Variants in IDE observed in about 807,000 individuals in gnomAD.
IDE encodes the protein insulin-degrading enzyme.
Under a neutral mutation model 133.2 loss-of-function variants are expected in IDE, and 58 were observed. The observed-to-expected ratio is 0.44, with a 90% CI of 0.35 to 0.54. The LOEUF is 0.54. Ranked by LOEUF, IDE falls within the 20% of genes least tolerant of loss-of-function variation. The pLI, the probability that IDE is intolerant of heterozygous loss-of-function variation, is 0.00. For missense variants in IDE, 981 were observed against 1,234.0 expected, an observed-to-expected ratio of 0.79 and a Z score of 3.07; for synonymous variants, 396 against 421.3, an observed-to-expected ratio of 0.94 and a Z score of 0.73.
chr10:92,568,824 A>AAAT (rs1223478035), intron 1 of IDE, among the ~76,000 whole-genome samples: 49 of 149,152 alleles, frequency 3.3e-4, no homozygotes, highest in Non-Finnish European at 5.1e-4. Context: ...TCAAAAAAAA[A>AAAT]AATAATAATA....
chr10:92,456,272 TG>T, intron 23 of IDE, 86 bp downstream of exon 23: 1 of 885,338 alleles, frequency 1.1e-6, no homozygotes, highest in Non-Finnish European at 1.9e-6. Context: ...TTTTACTTTC[TG>T]GTGTTCTATA....
At chr10:92,543,046 T>C (rs575326499) in intron 1 of IDE, among the ~76,000 whole-genome samples, 6 of 152,370 alleles carry the variant, frequency 3.9e-5, no homozygotes, top group African/African-American at 1.4e-4. Flanking sequence ...CTCACCTCCA[T>C]TGGTCTCTCA....
At chr10:92,480,352 CA>C (rs1223677256) in intron 14 of IDE, among the ~76,000 whole-genome samples, 1 of 152,206 alleles carries the variant, frequency 6.6e-6, no homozygotes, top group Non-Finnish European at 1.5e-5. Context: ...ACAAATCAGG[CA>C]AATTCCCTGA....
chr10:92,510,825 A>G lies in IDE; in HGVS notation c.785-663T>C, dbSNP rs537760385. On this transcript the variant is annotated intron_variant, in intron 5 of 24. Coordinates refer to ENST00000265986, the MANE Select transcript of IDE (RefSeq NM_004969.4). ...CACATACATATCACATATATGATATATAGCACATACATATCACACATATGA... is the reference window on the plus strand; with the variant it reads ...CACATACATATCACATATATGATATGTAGCACATACATATCACACATATGA... 6.4e-4 allele frequency among the ~76,000 whole-genome samples: 97 copies of G among 151,216 alleles called. 2 individuals are homozygous for G. The East Asian group carries it at 0.017, about 27-fold the overall frequency.
At chr10:92,573,158 G>T in intron 1 of IDE, 1 of 985,398 alleles carries the variant, frequency 1.0e-6, no homozygotes, top group Non-Finnish European at 1.2e-6. Flanking sequence ...GCCTGAAAAC[G>T]CCTAGCGTAC....
chr10:92,566,000 A>C (rs1277685628), intron 1 of IDE, among the ~76,000 whole-genome samples: 2 of 137,456 alleles, frequency 1.5e-5, no homozygotes, highest in Non-Finnish European at 3.3e-5. Flanking sequence ...CCTTATCTGA[A>C]AGAAAAAAAA....
chr10:92,478,747 G>T, intron 15 of IDE: 2 of 1,272,352 alleles, frequency 1.6e-6, no homozygotes, highest in African/African-American at 1.5e-5. Context: ...TGATAAACAG[G>T]TATGTCATGT....
At chr10:92,464,430 G>A (rs1325811905) in intron 20 of IDE, among the ~76,000 whole-genome samples, 3 of 152,104 alleles carry the variant, frequency 2.0e-5, no homozygotes, top group Non-Finnish European at 2.9e-5. Context: ...TGTATTTCTT[G>A]TTAGATAATC....
intron 1 of IDE, among the ~76,000 whole-genome samples, chr10:92,564,671 CAAAAAAAAAAAAAAAAAAAAAAAA>C (rs532861372): frequency 2.9e-4 from 9 of 31,562 alleles, no homozygotes; most frequent in South Asian, 2.0e-3. Context: ...GAGACTGTCT[CAAAAAAAAAAAAAAAAAAAAAAAA>C]AAAAAAAAAA....
chr10:92,512,554 T>C (rs1201900125), intron 5 of IDE, among the ~76,000 whole-genome samples: 2 of 133,166 alleles, frequency 1.5e-5, no homozygotes, highest in Non-Finnish European at 3.2e-5. Flanking sequence ...AAATACAACA[T>C]AGATTAAAAA....
rs769120186 is a variant in IDE, at chr10:92,508,809, T to C, written c.979A>G (p.Lys327Glu). Reference protein sequence around the residue: ...FPIPDLQKYYKSNPGHYLGHL... With the variant: ...FPIPDLQKYYESNPGHYLGHL... The stretch of plus-strand genomic sequence containing the variant: ...CCAAGATAATGACCAGGATTTGATT[T>C]GTAGTATTTCTGAAGGTCAGGTATG... The change falls in exon 7 of 25, where the codon AAA (lysine) becomes GAA (glutamate). Residue 327 changes from lysine to glutamate, a missense_variant. By Grantham distance (56) the Lys-to-Glu change is moderately conservative. Around this residue, in one of 2 missense-constraint regions of IDE, gnomAD observed 660 missense variants for 894.7 expected, o/e 0.74. Transcript: ENST00000265986. The C allele has an allele frequency of 1.2e-6, 2 of 1,613,552 alleles. No individual in the cohort carries two copies. Among genetic ancestry groups the C allele is most frequent in the Admixed American group, 1.7e-5 (1 of 60,012 alleles).
chr10:92,510,739 A>AATATAGCACATACATCTCACATGTATGAT (rs1564635449), intron 5 of IDE, among the ~76,000 whole-genome samples: 6 of 147,386 alleles, frequency 4.1e-5, no homozygotes, highest in East Asian at 4.0e-4. Flanking sequence ...ACATGTATGA[A>AATATAGCACATACATCTCACATGTATGAT]ATATAGCACA....
chr10:92,563,692 T>C (rs561415116), intron 1 of IDE, among the ~76,000 whole-genome samples: 2 of 151,606 alleles, frequency 1.3e-5, no homozygotes, highest in East Asian at 1.9e-4. Context: ...GGGGCAGAGG[T>C]TGCAGTGAGC....
chr10:92,455,857 C>T (rs1844981398), intron 23 of IDE, among the ~76,000 whole-genome samples: 1 of 152,166 alleles, frequency 6.6e-6, no homozygotes, highest in African/African-American at 2.4e-5. Flanking sequence ...TCATGATATT[C>T]CTGAGGTCAT....
intron 4 of IDE, among the ~76,000 whole-genome samples, chr10:92,522,051 A>G (rs1463701527): frequency 6.6e-6 from 1 of 152,062 alleles, no homozygotes; most frequent in Non-Finnish European, 1.5e-5. Context: ...TGTATGTTTT[A>G]AATTCTTCAC....
At chr10:92,553,936 C>CA (rs1480252111) in intron 1 of IDE, among the ~76,000 whole-genome samples, 1 of 151,960 alleles carries the variant, frequency 6.6e-6, no homozygotes, top group Non-Finnish European at 1.5e-5. Context: ...CAAATTATTC[C>CA]AAAAAATAGA....
At chr10:92,538,191 T>C (rs562249058) in intron 1 of IDE, among the ~76,000 whole-genome samples, 1 of 152,310 alleles carries the variant, frequency 6.6e-6, no homozygotes, top group South Asian at 2.1e-4. Context: ...AGAGTTTTAT[T>C]TCACACTATT....
At chr10:92,497,398 A>C (rs1489775999) in intron 11 of IDE, among the ~76,000 whole-genome samples, 4 of 152,178 alleles carry the variant, frequency 2.6e-5, no homozygotes, top group Non-Finnish European at 5.9e-5. Context: ...AGTTAAACTG[A>C]AGCTGGTAAC....
intron 11 of IDE, among the ~76,000 whole-genome samples, chr10:92,498,276 T>C (rs1407576192): frequency 2.0e-5 from 3 of 152,182 alleles, no homozygotes; most frequent in African/African-American, 7.2e-5. Flanking sequence ...ATCTCATGAC[T>C]AGTAGTAGGT....
Sources: gnomAD v4.1 joint callset for allele counts (sites outside exome capture counted in the v4.1 genomes callset) on GRCh38, gnomAD v4.1.1 for gene constraint, gnomAD v4.1.1 regional missense constraint, MANE v1.5 for transcripts, NCBI Gene and HGNC (gene_info 2026-07-23, HGNC 2026-07-21) for gene names.